The following KAZN variants were observed in gnomAD, a reference collection of about 807,000 sequenced individuals.
KAZN encodes kazrin, periplakin interacting protein.
KAZN carries 40 observed loss-of-function variants against 87.4 expected under a neutral mutation model. The ratio of observed to expected loss-of-function variants is 0.46; its 90% CI spans 0.36 to 0.60. KAZN has a LOEUF of 0.60. Ranked by LOEUF, KAZN falls within the 20% of genes least tolerant of loss-of-function variation. The probability of loss-of-function intolerance (pLI) is 0.00; values close to 1 mark genes in which losing one functional copy is unlikely to be tolerated. For synonymous variants in KAZN, 466 were observed against 458.3 expected (o/e 1.02, Z -0.22); for missense variants, 898 against 1,073.9 (o/e 0.84, Z 2.29).
At chr1:14,750,301 A>C (rs1644378377) in intron 1 of KAZN, among the ~76,000 whole-genome samples, 1 of 152,158 alleles carries the variant, frequency 6.6e-6, no homozygotes, top group Non-Finnish European at 1.5e-5. Flanking sequence ...CATTCCCAAG[A>C]ATTCAGGATA....
chr1:13,961,719 C>A (rs574728863), intron 1 of KAZN, among the ~76,000 whole-genome samples: 1 of 152,134 alleles, frequency 6.6e-6, no homozygotes, highest in Non-Finnish European at 1.5e-5. Flanking sequence ...CAGACAAGGA[C>A]CATACCTGAC....
Position 14,787,659 on chromosome 1 carries a change from G to A in KAZN, c.227-173025G>A, listed in dbSNP as rs184143170. Among the ~76,000 whole-genome samples the A allele has an allele frequency of 3.1e-3, 469 of 152,268 alleles. 2 individuals carry two copies. The highest frequency in any genetic ancestry group is 0.01 in the African/African-American group (435 of 41,544). On this transcript the variant is annotated intron_variant, in intron 1 of 14. Transcript: ENST00000376030. The stretch of plus-strand genomic sequence containing the variant: ...GAGCCTCTGCCTTGTACGACTCCAG[G>A]GGCATCACTCACAGAGAGTACAATG...
chr1:14,366,045 G>A (rs970948432), intron 2 of KAZN, among the ~76,000 whole-genome samples: 2 of 152,200 alleles, frequency 1.3e-5, no homozygotes, highest in African/African-American at 4.8e-5. Flanking sequence ...CAAATCTGGT[G>A]ACATAATAAA....
At chr1:14,655,430 T>C (rs1638730933) in intron 1 of KAZN, among the ~76,000 whole-genome samples, 1 of 152,240 alleles carries the variant, frequency 6.6e-6, no homozygotes, top group South Asian at 2.1e-4. Flanking sequence ...TTATCTTTCT[T>C]GTCCCTTTGA....
At chr1:14,402,445 A>G (rs2101139214) in intron 2 of KAZN, among the ~76,000 whole-genome samples, 1 of 152,288 alleles carries the variant, frequency 6.6e-6, no homozygotes, top group East Asian at 1.9e-4. Flanking sequence ...AACTTTATGG[A>G]CAAAATTATA....
chr1:14,007,530 A>G (rs906275821), intron 1 of KAZN, among the ~76,000 whole-genome samples: 5 of 152,214 alleles, frequency 3.3e-5, no homozygotes, highest in Admixed American at 2.6e-4. Flanking sequence ...ATCAGTAACC[A>G]CAGGTTGGCA....
At chr1:14,317,194 A>T (rs1308257655) in intron 2 of KAZN, among the ~76,000 whole-genome samples, 1 of 151,906 alleles carries the variant, frequency 6.6e-6, no homozygotes, top group Non-Finnish European at 1.5e-5. Flanking sequence ...TTTTTGTTTC[A>T]TAAAGATTGA....
chr1:14,741,479 C>T (rs1644096953), intron 1 of KAZN, among the ~76,000 whole-genome samples: 1 of 152,210 alleles, frequency 6.6e-6, no homozygotes, highest in Admixed American at 6.5e-5. Context: ...CTTGGGCCTC[C>T]TGGAAGGGAA....
intron 1 of KAZN, among the ~76,000 whole-genome samples, chr1:14,059,720 C>G (rs1451177546): frequency 6.6e-6 from 1 of 152,228 alleles, no homozygotes; most frequent in Non-Finnish European, 1.5e-5. Flanking sequence ...TGTGGTCCTT[C>G]TACCATGTGC....
intron 2 of KAZN, among the ~76,000 whole-genome samples, chr1:15,008,204 C>T (rs773454725): frequency 3.3e-5 from 5 of 152,198 alleles, no homozygotes; most frequent in Admixed American, 6.5e-5. Context: ...CCCATCCAGA[C>T]GGCACCACCT....
chr1:14,747,483 G>A (rs555750449), intron 1 of KAZN, among the ~76,000 whole-genome samples: 136 of 152,246 alleles, frequency 8.9e-4, no homozygotes, highest in African/African-American at 3.2e-3. Context: ...CACCATGTTG[G>A]CCAGCAGGCT....
At chr1:14,387,668 C>A (rs563324327) in intron 2 of KAZN, among the ~76,000 whole-genome samples, 76 of 152,170 alleles carry the variant, frequency 5.0e-4, no homozygotes, top group African/African-American at 1.8e-3. Flanking sequence ...GCAGTCTGCC[C>A]GTTCTCAGAT....
chr1:14,873,928 A>G (rs973300711), intron 1 of KAZN, among the ~76,000 whole-genome samples: 6 of 152,160 alleles, frequency 3.9e-5, no homozygotes, highest in Admixed American at 1.3e-4. Flanking sequence ...GATTCCAGAG[A>G]TGCACCCTTG....
At chr1:14,227,863 T>C (rs954999929) in intron 2 of KAZN, among the ~76,000 whole-genome samples, 1 of 152,178 alleles carries the variant, frequency 6.6e-6, no homozygotes, top group Non-Finnish European at 1.5e-5. Context: ...ATGTATGTAG[T>C]ATGGAAGCTT....
At chr1:14,775,062 C>T (rs1449833479) in intron 1 of KAZN, among the ~76,000 whole-genome samples, 1 of 152,200 alleles carries the variant, frequency 6.6e-6, no homozygotes, top group African/African-American at 2.4e-5. Flanking sequence ...GGCCCACCCA[C>T]ACTCTGCACC....
intron 1 of KAZN, among the ~76,000 whole-genome samples, chr1:14,721,952 G>A (rs1021020208): frequency 1.3e-5 from 2 of 152,050 alleles, no homozygotes; most frequent in Non-Finnish European, 2.9e-5. Flanking sequence ...TCAGAAGATC[G>A]AGACCAGCCT....
At chr1:14,518,553 T>C (rs1671416360) in intron 2 of KAZN, among the ~76,000 whole-genome samples, 1 of 152,206 alleles carries the variant, frequency 6.6e-6, no homozygotes, top group Non-Finnish European at 1.5e-5. Context: ...GTGATGAATT[T>C]GCCAAGGAAG....
intron 2 of KAZN, among the ~76,000 whole-genome samples, chr1:14,386,966 T>G (rs1661964817): frequency 6.6e-6 from 1 of 152,332 alleles, no homozygotes; most frequent in African/African-American, 2.4e-5. Flanking sequence ...AGACATAGAT[T>G]TGGTCTTTTC....
intron 1 of KAZN, among the ~76,000 whole-genome samples, chr1:14,168,931 A>G (rs757221343): frequency 6.6e-6 from 1 of 152,218 alleles, no homozygotes; most frequent in Admixed American, 6.5e-5. Flanking sequence ...AGCTGCTGTT[A>G]GTAGTGGGGG....
Sources: allele counts gnomAD v4.1 joint callset (sites outside exome capture counted in the v4.1 genomes callset), GRCh38; gene constraint gnomAD v4.1.1; transcripts MANE v1.5; gene names NCBI Gene and HGNC (gene_info 2026-07-23, HGNC 2026-07-21).